Variants in NUMB observed in about 807,000 individuals in gnomAD.
NUMB encodes protein numb homolog.
Under a neutral mutation model 59.7 loss-of-function variants are expected in NUMB, and 29 were observed. The ratio of observed to expected loss-of-function variants is 0.49; its 90% CI spans 0.36 to 0.66. The LOEUF (loss-of-function observed/expected upper bound fraction) is 0.66. NUMB is among the 30% of genes least tolerant of loss of function. NUMB has a pLI of 0.00. For missense variants in NUMB, 723 were observed against 822.0 expected, an observed-to-expected ratio of 0.88 and a Z score of 1.47; for synonymous variants, 288 against 288.2, an observed-to-expected ratio of 1.00 and a Z score of 0.01.
At chr14:73,413,437 A>G (rs1896982349) in intron 1 of NUMB, among the ~76,000 whole-genome samples, 1 of 151,774 alleles carries the variant, frequency 6.6e-6, no homozygotes, top group African/African-American at 2.4e-5. Flanking sequence ...AACTGGGAAC[A>G]TTTGCTTCTA....
intron 6 of NUMB, 49 bp from the exon 7 acceptor site, chr14:73,297,334 T>C (rs1466550298): frequency 1.8e-6 from 2 of 1,101,272 alleles, no homozygotes; most frequent in Non-Finnish European, 2.7e-6. Context: ...ATATATAATA[T>C]TAAAAAAATG....
chr14:73,412,650 A>G (rs901811104), intron 1 of NUMB, among the ~76,000 whole-genome samples: 10 of 150,260 alleles, frequency 6.7e-5, no homozygotes, highest in African/African-American at 1.5e-4. Context: ...AAAAAAAAAA[A>G]GAGATGGGGT....
At chr14:73,429,229 G>A (rs989509672) in intron 1 of NUMB, among the ~76,000 whole-genome samples, 2 of 152,044 alleles carry the variant, frequency 1.3e-5, no homozygotes, top group South Asian at 2.1e-4. Flanking sequence ...AAAATTAGCC[G>A]GGCGTGGTGG....
intron 6 of NUMB, chr14:73,299,329 T>C (rs1889967830): frequency 6.6e-6 from 1 of 152,090 alleles, no homozygotes; most frequent in Admixed American, 6.6e-5. Flanking sequence ...TTACAATGAA[T>C]TGAATTTAGG....
intron 4 of NUMB, among the ~76,000 whole-genome samples, chr14:73,344,552 A>G (rs191165599): frequency 6.6e-6 from 1 of 152,326 alleles, no homozygotes; most frequent in African/African-American, 2.4e-5. Context: ...TCTAGCATCC[A>G]TATGCTCAAT....
At chr14:73,323,545 A>C (rs929765652) in intron 4 of NUMB, among the ~76,000 whole-genome samples, 1 of 152,252 alleles carries the variant, frequency 6.6e-6, no homozygotes, top group Non-Finnish European at 1.5e-5. Flanking sequence ...ACATTACCTG[A>C]ATCTACTGGA....
At chr14:73,362,806 G>T (rs530667166) in intron 3 of NUMB, among the ~76,000 whole-genome samples, 162 of 151,984 alleles carry the variant, frequency 1.1e-3, no homozygotes, top group Non-Finnish European at 1.5e-4. Flanking sequence ...TAGCATATTG[G>T]TTACTCATTA....
chr14:73,337,145 A>G (rs1439074169), intron 4 of NUMB, among the ~76,000 whole-genome samples: 1 of 152,148 alleles, frequency 6.6e-6, no homozygotes, highest in Non-Finnish European at 1.5e-5. Context: ...TTAAAAAAAA[A>G]AAATCATAAT....
chr14:73,382,922 G>A (rs1895321302), intron 2 of NUMB, among the ~76,000 whole-genome samples: 1 of 152,216 alleles, frequency 6.6e-6, no homozygotes, highest in Non-Finnish European at 1.5e-5. Flanking sequence ...GAGGTGGGCA[G>A]ATCACTTGAG....
At chr14:73,297,383 G>A (rs1889852502) in intron 6 of NUMB, 98 bp from the exon 7 acceptor site, 8 of 798,438 alleles carry the variant, frequency 1.0e-5, no homozygotes, top group Non-Finnish European at 1.5e-5. Context: ...CCTTCCAAAA[G>A]TCACAAGTAC....
At chr14:73,286,961 G>A (rs946402616) in intron 9 of NUMB, 149 bp downstream of exon 9, 6 of 722,908 alleles carry the variant, frequency 8.3e-6, no homozygotes, top group South Asian at 4.9e-5. Context: ...TAAAGGAAGC[G>A]GTTTTTAAGA....
chr14:73,313,666 C>G (rs1401356080), intron 6 of NUMB, among the ~76,000 whole-genome samples: 1 of 42,440 alleles, frequency 2.4e-5, no homozygotes, highest in African/African-American at 2.0e-4. Flanking sequence ...ATTCCAAAAT[C>G]TGAAAAAAAA....
At chr14:73,411,085 G>A (rs1344337824) in intron 1 of NUMB, among the ~76,000 whole-genome samples, 1 of 152,192 alleles carries the variant, frequency 6.6e-6, no homozygotes, top group Admixed American at 6.5e-5. Flanking sequence ...AGCCTGGAGT[G>A]CAGTGGCGTG....
chr14:73,304,868 C>T (rs1161316212), intron 6 of NUMB, among the ~76,000 whole-genome samples: 1 of 152,130 alleles, frequency 6.6e-6, no homozygotes, highest in Non-Finnish European at 1.5e-5. Context: ...TCAAGCGATT[C>T]TCCTGCCTCA....
At position 73,284,417 on chromosome 14, in the gene NUMB, A is replaced by T. The variant is rs77222191; in HGVS notation, c.656-43T>A. 1,221 of 1,538,734 alleles carry T rather than the reference A, an allele frequency of 7.9e-4. 18 individuals carry two copies. The East Asian group carries it at 0.025, about 32-fold the overall frequency. On this transcript the variant is annotated intron_variant, in intron 9 of 12. Transcript: ENST00000555238. Reference sequence around the variant, plus strand: ...AATGAAGACCTTAGCAATGTCTTCAAATAATTTGCGTTTAGAGAGCTGACA... The same window carrying T: ...AATGAAGACCTTAGCAATGTCTTCATATAATTTGCGTTTAGAGAGCTGACA...
chr14:73,378,118 AAAG>A (rs1470988628), intron 2 of NUMB, among the ~76,000 whole-genome samples: 2 of 152,192 alleles, frequency 1.3e-5, no homozygotes, highest in African/African-American at 4.8e-5. Context: ...ATATTTCACT[AAAG>A]AAGAAATACA....
At position 73,451,170 on chromosome 14, in the gene NUMB, A is replaced by C. The variant is rs1198840586; in HGVS notation, c.-233+7323T>G. On this transcript the variant is annotated intron_variant, in intron 1 of 12. Transcript: ENST00000555238. Reference sequence around the variant, plus strand: ...CTCTGTCTCAAAAAAAAAAAAAAAAAAAAACAAAAAACAAATCTACACTTC... The same window carrying C: ...CTCTGTCTCAAAAAAAAAAAAAAAACAAAACAAAAAACAAATCTACACTTC... 1.1e-3 allele frequency among the ~76,000 whole-genome samples: 124 copies of C among 117,922 alleles called. 1 individual carries two copies. In the South Asian group the frequency reaches 0.014, roughly 14 times the overall value. 77.4% of individuals were successfully genotyped at this position (117,922 alleles called of 152,430 possible). A position where few individuals can be genotyped will look rare whatever the true frequency, so the allele number is the denominator to read the frequency against.
rs1480352447 is a variant in NUMB, at chr14:73,403,107, T to C, written c.-101+6830A>G. 3.3e-5 allele frequency among the ~76,000 whole-genome samples: 5 copies of C among 152,180 alleles called. No homozygotes were observed. The East Asian group carries it at 9.6e-4, about 29-fold the overall frequency. Reference sequence around the variant, plus strand: ...ATTTTGGCCCTTGGAACATCAGAAGTGACTTGCTGGAATCACTAATAAGAA... The same window carrying C: ...ATTTTGGCCCTTGGAACATCAGAAGCGACTTGCTGGAATCACTAATAAGAA... On this transcript the variant is annotated intron_variant, in intron 2 of 12. Coordinates refer to ENST00000555238, the MANE Select transcript of NUMB (RefSeq NM_001005743.2).
intron 1 of NUMB, among the ~76,000 whole-genome samples, chr14:73,430,140 A>G (rs980554965): frequency 1.3e-5 from 2 of 149,690 alleles, no homozygotes; most frequent in Non-Finnish European, 3.0e-5. Flanking sequence ...ACATTAATAA[A>G]TATTTTATAT....
Sources: gnomAD v4.1 joint callset for allele counts (sites outside exome capture counted in the v4.1 genomes callset) on GRCh38, gnomAD v4.1.1 for gene constraint, MANE v1.5 for transcripts, NCBI Gene and HGNC (gene_info 2026-07-23, HGNC 2026-07-21) for gene names.